The following THSD4 variants were observed in gnomAD, a reference collection of about 807,000 sequenced individuals.
THSD4 encodes the protein thrombospondin type-1 domain-containing protein 4.
Under a neutral mutation model 119.0 loss-of-function variants are expected in THSD4, and 69 were observed. That is an observed-to-expected ratio of 0.58 (90% CI 0.48 to 0.71). The LOEUF (loss-of-function observed/expected upper bound fraction) is 0.71, where lower values mean the gene tolerates loss of function less well. Ranked by LOEUF, THSD4 falls within the 30% of genes least tolerant of loss-of-function variation. The probability of loss-of-function intolerance (pLI) is 0.00; values close to 1 mark genes in which losing one functional copy is unlikely to be tolerated. For missense variants in THSD4, 1,393 were observed against 1,391.1 expected (o/e 1.00, Z -0.02); for synonymous variants, 524 against 540.4 (o/e 0.97, Z 0.42).
rs1491223591 is a variant in THSD4 at position 71,447,109 on chromosome 15, A to ATTTTT, written c.1152+35290_1152+35294dup. 8.5e-4 allele frequency among the ~76,000 whole-genome samples: 59 copies of ATTTTT among 69,460 alleles called. 8 individuals carry two copies. The highest frequency in any genetic ancestry group is 2.5e-3 in the African/African-American group (46 of 18,156). 45.6% of individuals were successfully genotyped at this position (69,460 alleles called of 152,430 possible). A position where few individuals can be genotyped will look rare whatever the true frequency, so the allele number is the denominator to read the frequency against. Reference sequence around the variant, plus strand: ...TGTCCTCTGTTGCCCTCTTCCCTCCATTTTTTTTGTTTTTTTTTTTTTTTT... The same window carrying ATTTTT: ...TGTCCTCTGTTGCCCTCTTCCCTCCATTTTTTTTTTTTTGTTTTTTTTTTTTTTTT... On this transcript the variant is annotated intron_variant, in intron 7 of 17. Coordinates refer to ENST00000261862, the MANE Select transcript of THSD4 (RefSeq NM_024817.3).
intron 3 of THSD4, among the ~76,000 whole-genome samples, chr15:71,177,943 T>C (rs1361872213): frequency 7.6e-6 from 1 of 131,082 alleles, no homozygotes; most frequent in Non-Finnish European, 1.6e-5. Flanking sequence ...TCAACAACCC[T>C]CCATGCTAAA....
At chr15:71,196,056 G>A (rs780782564) in intron 3 of THSD4, among the ~76,000 whole-genome samples, 1 of 152,158 alleles carries the variant, frequency 6.6e-6, no homozygotes, top group African/African-American at 2.4e-5. Flanking sequence ...CTAGCATCAG[G>A]TGAGGGCCTT....
chr15:71,438,865 C>A (rs1470494553), intron 7 of THSD4, among the ~76,000 whole-genome samples: 1 of 152,156 alleles, frequency 6.6e-6, no homozygotes, highest in African/African-American at 2.4e-5. Flanking sequence ...GGAAAAGCCA[C>A]CTGTATTTAG....
chr15:71,703,712 G>T (rs1396356083), intron 8 of THSD4, among the ~76,000 whole-genome samples: 1 of 152,172 alleles, frequency 6.6e-6, no homozygotes, highest in Non-Finnish European at 1.5e-5. Context: ...ATGGAGATGG[G>T]TCTAATTCCT....
At chr15:71,669,332 T>C (rs2051475920) in intron 8 of THSD4, among the ~76,000 whole-genome samples, 1 of 152,246 alleles carries the variant, frequency 6.6e-6, no homozygotes, top group African/African-American at 2.4e-5. Flanking sequence ...ATAACCATTT[T>C]TGGTGATGTC....
intron 7 of THSD4, among the ~76,000 whole-genome samples, chr15:71,502,380 T>C (rs2048124876): frequency 6.6e-6 from 1 of 152,184 alleles, no homozygotes; most frequent in South Asian, 2.1e-4. Flanking sequence ...ATGAAAATAA[T>C]GGGTATGTTT....
intron 8 of THSD4, among the ~76,000 whole-genome samples, chr15:71,700,181 C>A (rs1181051933): frequency 6.6e-6 from 1 of 152,046 alleles, no homozygotes; most frequent in Non-Finnish European, 1.5e-5. Flanking sequence ...TCATTTCTTA[C>A]CAACAAAATT....
intron 6 of THSD4, among the ~76,000 whole-genome samples, chr15:71,323,089 C>A (rs1164439579): frequency 7.1e-6 from 1 of 141,016 alleles, no homozygotes; most frequent in African/African-American, 2.8e-5. Flanking sequence ...GGAGTGAGAC[C>A]CTGTCTTAAA....
intron 6 of THSD4, among the ~76,000 whole-genome samples, chr15:71,392,015 A>G (rs990566433): frequency 6.6e-6 from 1 of 152,202 alleles, no homozygotes; most frequent in Non-Finnish European, 1.5e-5. Context: ...TCTTCCAGGG[A>G]TATTTTAACT....
At chr15:71,316,938 A>G (rs2045195674) in intron 6 of THSD4, among the ~76,000 whole-genome samples, 1 of 152,240 alleles carries the variant, frequency 6.6e-6, no homozygotes, top group African/African-American at 2.4e-5. Context: ...GTGACACAAA[A>G]TGAGCCATGG....
intron 7 of THSD4, among the ~76,000 whole-genome samples, chr15:71,597,395 A>T (rs1045301855): frequency 6.6e-6 from 1 of 152,218 alleles, no homozygotes; most frequent in Non-Finnish European, 1.5e-5. Context: ...ACCCACAGAT[A>T]TATGTGTGTA....
chr15:71,232,959 C>T (rs1442790), intron 4 of THSD4, among the ~76,000 whole-genome samples: 149,863 of 152,216 alleles, frequency 0.98, 73,828 homozygotes, highest in East Asian at 1. Context: ...ACTGGGAATG[C>T]GCACTGGGGT....
chr15:71,724,536 C>T (rs1232392063), intron 8 of THSD4, among the ~76,000 whole-genome samples: 2 of 150,774 alleles, frequency 1.3e-5, no homozygotes, highest in Admixed American at 6.7e-5. Context: ...CCGCCAGCCT[C>T]AGCCTCCCAA....
chr15:71,507,412 A>C (rs1185321844), intron 7 of THSD4, among the ~76,000 whole-genome samples: 1 of 15,912 alleles, frequency 6.3e-5, no homozygotes, highest in Non-Finnish European at 1.8e-4. Context: ...TATTTCTCTC[A>C]TAAACTGCAC....
intron 4 of THSD4, among the ~76,000 whole-genome samples, chr15:71,229,489 T>C (rs903733593): frequency 6.6e-6 from 1 of 152,210 alleles, no homozygotes; most frequent in African/African-American, 2.4e-5. Context: ...AAATCATCCC[T>C]AAATTATATA....
intron 7 of THSD4, among the ~76,000 whole-genome samples, chr15:71,616,732 G>A (rs1043723603): frequency 2.6e-5 from 4 of 152,200 alleles, no homozygotes; most frequent in Non-Finnish European, 5.9e-5. Flanking sequence ...TCTAGCAATG[G>A]CTGGATGGAA....
At chr15:71,752,937 A>C (rs1390852192) in intron 14 of THSD4, among the ~76,000 whole-genome samples, 3 of 152,170 alleles carry the variant, frequency 2.0e-5, no homozygotes, top group Admixed American at 6.6e-5. Flanking sequence ...TGAACTATGA[A>C]ATTTTTTATT....
At chr15:71,741,220 G>A (rs1252819526) in intron 11 of THSD4, among the ~76,000 whole-genome samples, 1 of 152,146 alleles carries the variant, frequency 6.6e-6, no homozygotes, top group African/African-American at 2.4e-5. Flanking sequence ...GCCGGGCATG[G>A]TGGCTCATAC....
intron 7 of THSD4, among the ~76,000 whole-genome samples, chr15:71,511,010 G>A (rs928437235): frequency 6.6e-6 from 1 of 152,066 alleles, no homozygotes; most frequent in Admixed American, 6.6e-5. Flanking sequence ...TGAGAGGATG[G>A]CTGAGCTTAT....
Sources: gnomAD v4.1 joint callset for allele counts (sites outside exome capture counted in the v4.1 genomes callset) on GRCh38, gnomAD v4.1.1 for gene constraint, MANE v1.5 for transcripts, NCBI Gene and HGNC (gene_info 2026-07-23, HGNC 2026-07-21) for gene names.